The following ROBO2 variants were observed in gnomAD, a reference collection of about 807,000 sequenced individuals.
ROBO2 encodes the protein roundabout homolog 2.
A neutral mutation model predicts 160.8 loss-of-function variants in ROBO2; 53 were observed. The observed-to-expected ratio is 0.33, with a 90% confidence interval of 0.26 to 0.41. The LOEUF (loss-of-function observed/expected upper bound fraction) is 0.41. ROBO2 is among the 10% of genes least tolerant of loss of function. The probability of loss-of-function intolerance (pLI) is 1.00; values close to 1 mark genes in which losing one functional copy is unlikely to be tolerated. For synonymous variants in ROBO2, 664 were observed against 611.7 expected, an observed-to-expected ratio of 1.09 and a Z score of -1.26; for missense variants, 1,577 against 1,722.4, an observed-to-expected ratio of 0.92 and a Z score of 1.49.
chr3:76,000,497 T>C (rs867242877), intron 2 of ROBO2, among the ~76,000 whole-genome samples: 3 of 150,712 alleles, frequency 2.0e-5, no homozygotes, highest in Non-Finnish European at 4.4e-5. Flanking sequence ...TTATTTTTTT[T>C]TTTTTTTTTT....
intron 2 of ROBO2, among the ~76,000 whole-genome samples, chr3:76,829,996 T>A (rs2066939520): frequency 6.6e-6 from 1 of 152,194 alleles, no homozygotes; most frequent in African/African-American, 2.4e-5. Flanking sequence ...AGGCACCATC[T>A]TCAGCTCTCT....
intron 2 of ROBO2, among the ~76,000 whole-genome samples, chr3:76,088,876 A>AT (rs1475543981): frequency 6.6e-6 from 1 of 152,048 alleles, no homozygotes; most frequent in African/African-American, 2.4e-5. Flanking sequence ...GGAGGAATCC[A>AT]TGACACTAAA....
At chr3:76,985,175 T>C (rs1478945528) in intron 2 of ROBO2, among the ~76,000 whole-genome samples, 1 of 152,108 alleles carries the variant, frequency 6.6e-6, no homozygotes, top group East Asian at 1.9e-4. Flanking sequence ...TAACTTGTAA[T>C]TAATAATCAT....
At chr3:76,639,173 T>C (rs1314757691) in intron 2 of ROBO2, among the ~76,000 whole-genome samples, 3 of 152,124 alleles carry the variant, frequency 2.0e-5, no homozygotes, top group African/African-American at 7.2e-5. Context: ...TACATATGTG[T>C]ATATATGTAT....
chr3:77,591,548 T>A (rs1201931826), intron 17 of ROBO2, among the ~76,000 whole-genome samples: 1 of 152,198 alleles, frequency 6.6e-6, no homozygotes, highest in Non-Finnish European at 1.5e-5. Flanking sequence ...ATTCAAAATA[T>A]TTCATGCAAT....
chr3:76,502,568 TTTTTTAATTTTAA>T (rs2080521646), intron 2 of ROBO2, among the ~76,000 whole-genome samples: 4 of 152,218 alleles, frequency 2.6e-5, no homozygotes. Flanking sequence ...TCTTTTTAAA[TTTTTTAATTTTAA>T]TTTTTAATGT....
rs373986449 is a variant in ROBO2, at chr3:77,054,769, C to T, written c.61+13923C>T. The stretch of plus-strand genomic sequence containing the variant: ...CAGTGAGAGGTAATGGAGGCCAATT[C>T]CTAGGGCTTCTGATTGGTTTTATTT... On this transcript the variant is annotated intron_variant, in intron 1 of 25. Coordinates refer to ENST00000461745, the Ensembl canonical transcript of ROBO2. Among the ~76,000 whole-genome samples, 15 of 152,164 alleles carry T rather than the reference C, an allele frequency of 9.9e-5. No individual in the cohort carries two copies. In the East Asian group the frequency reaches 1.5e-3, roughly 16 times the overall value.
chr3:77,110,799 T>G (rs2073479502), intron 2 of ROBO2, among the ~76,000 whole-genome samples: 1 of 151,866 alleles, frequency 6.6e-6, no homozygotes, highest in African/African-American at 2.4e-5. Context: ...ACTCAAGTGA[T>G]CCTTCCACCT....
intron 2 of ROBO2, among the ~76,000 whole-genome samples, chr3:76,590,692 A>G (rs2086359737): frequency 6.6e-6 from 1 of 152,162 alleles, no homozygotes; most frequent in Non-Finnish European, 1.5e-5. Context: ...AAAAAAGCCT[A>G]TAGAATAAGG....
chr3:77,064,627 C>A (rs2066661543), intron 1 of ROBO2, among the ~76,000 whole-genome samples: 1 of 152,176 alleles, frequency 6.6e-6, no homozygotes, highest in South Asian at 2.1e-4. Flanking sequence ...TCCCAAAGTG[C>A]TGGCATTAAG....
chr3:77,370,825 GCAGAGA>G (rs1281963920), intron 2 of ROBO2, among the ~76,000 whole-genome samples: 12 of 152,144 alleles, frequency 7.9e-5, no homozygotes, highest in African/African-American at 2.4e-4. Flanking sequence ...GTGGAGGTGA[GCAGAGA>G]CAGAGTTGAT....
intron 6 of ROBO2, among the ~76,000 whole-genome samples, chr3:77,530,316 G>A (rs1463259149): frequency 1.3e-5 from 2 of 151,986 alleles, no homozygotes; most frequent in Non-Finnish European, 2.9e-5. Flanking sequence ...TAGAGATTCA[G>A]AAACCCTCAC....
intron 2 of ROBO2, among the ~76,000 whole-genome samples, chr3:76,797,499 TAAAC>T (rs1406650577): frequency 6.6e-6 from 1 of 150,458 alleles, no homozygotes; most frequent in Non-Finnish European, 1.5e-5. Context: ...AACCTTAAAA[TAAAC>T]AACCTAACAT....
chr3:76,893,002 CAAAAG>C (rs931372494), intron 2 of ROBO2, among the ~76,000 whole-genome samples: 1 of 152,158 alleles, frequency 6.6e-6, no homozygotes, highest in Admixed American at 6.6e-5. Flanking sequence ...CCTCCTACCT[CAAAAG>C]ATAAATAGCT....
intron 17 of ROBO2, 66 bp downstream of exon 18, chr3:77,588,999 A>T: frequency 6.4e-7 from 1 of 1,567,616 alleles, no homozygotes. Flanking sequence ...GAATGGAAGG[A>T]ACAGAAAGGA....
At chr3:77,429,352 G>A (rs1394318590) in intron 2 of ROBO2, among the ~76,000 whole-genome samples, 1 of 152,012 alleles carries the variant, frequency 6.6e-6, no homozygotes, top group African/African-American at 2.4e-5. Flanking sequence ...CATTATTATA[G>A]CCCCCACTGG....
chr3:76,613,105 A>G (rs961269782), intron 2 of ROBO2, among the ~76,000 whole-genome samples: 1 of 152,106 alleles, frequency 6.6e-6, no homozygotes, highest in African/African-American at 2.4e-5. Flanking sequence ...ATAGATATTC[A>G]ATGTCATTAT....
intron 2 of ROBO2, among the ~76,000 whole-genome samples, chr3:77,322,934 A>T: frequency 2.0e-5 from 1 of 50,720 alleles, no homozygotes; most frequent in Non-Finnish European, 4.4e-5. Flanking sequence ...TATGGATAAT[A>T]TAATATATTA....
chr3:76,856,307 T>C (rs535217457), intron 2 of ROBO2, among the ~76,000 whole-genome samples: 1 of 152,348 alleles, frequency 6.6e-6, no homozygotes, highest in Non-Finnish European at 1.5e-5. Flanking sequence ...AATGTTATTG[T>C]GTATATTTAC....
Sources: gnomAD v4.1 joint callset for allele counts (sites outside exome capture counted in the v4.1 genomes callset) on GRCh38, gnomAD v4.1.1 for gene constraint, MANE v1.5 for transcripts, NCBI Gene and HGNC (gene_info 2026-07-23, HGNC 2026-07-21) for gene names.